GPR63: variants seen among roughly 807,000 people sequenced by gnomAD.
The protein encoded by GPR63 is probable G protein-coupled receptor 63.
GPR63 carries 12 observed loss-of-function variants against 23.1 expected under a neutral mutation model. The ratio of observed to expected loss-of-function variants is 0.52; its 90% CI spans 0.33 to 0.84. GPR63 has a LOEUF of 0.84. Among genes scored for constraint, GPR63 ranks in the 40% least tolerant of loss-of-function variants. The pLI, the probability that GPR63 is intolerant of heterozygous loss-of-function variation, is 0.02. For missense variants in GPR63, 472 were observed against 515.6 expected (o/e 0.92, Z 0.82); for synonymous variants, 172 against 191.1 (o/e 0.90, Z 0.82).
rs1289652171 is a variant in GPR63 at position 96,795,641 on chromosome 6, C to G, written c.*2831G>C. On this transcript the variant is annotated 3_prime_UTR_variant, in exon 2 of 2. Coordinates refer to ENST00000229955, the MANE Select transcript of GPR63 (RefSeq NM_030784.4). ...ACTCCAGAGCTCTCACCAAATGAGG[C>G]ACTGCCTATTAAGCAGCATGAAAGT... is the stretch of plus-strand genomic sequence containing the variant. 1 of 152,124 alleles carries G rather than the reference C, an allele frequency of 6.6e-6. No individual in the cohort carries two copies. Among genetic ancestry groups the G allele is most frequent in the East Asian group, 1.9e-4 (1 of 5,194 alleles). The allele number at this position is 152,124 out of a possible 1,614,324, so 9.4% of individuals were successfully genotyped here. A position where few individuals can be genotyped will look rare whatever the true frequency, so the allele number is the denominator to read the frequency against.
In GPR63 at chr6:96,799,277, A is replaced by C. The variant is rs1278647147; in HGVS notation, c.455T>G (p.Phe152Cys). 1 of 1,614,128 alleles carries C rather than the reference A, an allele frequency of 6.2e-7. No individual in the cohort carries two copies. Among genetic ancestry groups the C allele is most frequent in the East Asian group, 2.2e-5 (1 of 44,880 alleles). The change falls in exon 2 of 2, where the codon TTC (phenylalanine) becomes TGC (cysteine). Residue 152 changes from phenylalanine to cysteine, a missense_variant. Coordinates refer to ENST00000229955, the MANE Select transcript of GPR63 (RefSeq NM_030784.4). ...AAACATAGCAGATACCCTACAGAAG[A>C]ATTTCCCAAAAATCCATCGGGTAGT... ...ILTTRWIFGK[F>C]FCRVSAMFFW... is the part of the protein sequence containing the mutation.
chr6:96,825,216 A>C (rs893336556), intron 1 of GPR63, among the ~76,000 whole-genome samples: 2 of 152,238 alleles, frequency 1.3e-5, no homozygotes, highest in East Asian at 3.9e-4. Flanking sequence ...TAGGGCGGGA[A>C]CCACTGCAAC....
intron 1 of GPR63, among the ~76,000 whole-genome samples, chr6:96,836,732 G>A (rs1436845011): frequency 6.6e-6 from 1 of 152,130 alleles, no homozygotes; most frequent in African/African-American, 2.4e-5. Flanking sequence ...GCAACACACA[G>A]CGCCGCAAGC....
rs183244491 is a variant in GPR63 at position 96,812,597 on chromosome 6, T to C, written c.-150-12716A>G. Among the ~76,000 whole-genome samples, 872 of 152,272 alleles carry C rather than the reference T, an allele frequency of 5.7e-3. 4 individuals carry two copies. The highest frequency in any genetic ancestry group is 0.01 in the Non-Finnish European group (698 of 67,962). On this transcript the variant is annotated intron_variant, in intron 1 of 1. Transcript: ENST00000229955. ...CTTTAAAAATGTATTTTTAAGTGGC[T>C]AATAGATTAACCTTTTAGAAATGCA...
chr6:96,809,423 G>A (rs1773983336), intron 1 of GPR63, among the ~76,000 whole-genome samples: 1 of 152,016 alleles, frequency 6.6e-6, no homozygotes, highest in Admixed American at 6.6e-5. Context: ...ATTCTGCCTT[G>A]ATGTTAAAAT....
At chr6:96,835,850 T>A (rs898417851) in intron 1 of GPR63, among the ~76,000 whole-genome samples, 2 of 152,238 alleles carry the variant, frequency 1.3e-5, no homozygotes, top group Non-Finnish European at 2.9e-5. Context: ...ACAAACAATA[T>A]GTTTCCTACA....
chr6:96,815,380 A>G (rs1774139020), intron 1 of GPR63, among the ~76,000 whole-genome samples: 1 of 152,242 alleles, frequency 6.6e-6, no homozygotes, highest in Non-Finnish European at 1.5e-5. Flanking sequence ...AGTCAAACTC[A>G]TAGAAGCAGA....
At position 96,799,821 on chromosome 6, in the gene GPR63, G is replaced by T; in HGVS notation, c.-90C>A. 7.6e-7 allele frequency: 1 copy of T among 1,308,768 alleles called. No homozygotes were observed. Among genetic ancestry groups the T allele is most frequent in the Non-Finnish European group, 1.1e-6 (1 of 908,142 alleles). The allele number at this position is 1,308,768 out of a possible 1,614,324, so 81.1% of individuals were successfully genotyped here. On this transcript the variant is annotated 5_prime_UTR_variant, in exon 2 of 2. Transcript: ENST00000229955. ...CAGCAGTATCAGGTCCCATTGATGGGCTTGGAAATACATTCTGGAAAATGG... is the reference window on the plus strand; with the variant it reads ...CAGCAGTATCAGGTCCCATTGATGGTCTTGGAAATACATTCTGGAAAATGG...
At chr6:96,813,678 GTTTC>G (rs1427426046) in intron 1 of GPR63, among the ~76,000 whole-genome samples, 1 of 152,162 alleles carries the variant, frequency 6.6e-6, no homozygotes, top group Non-Finnish European at 1.5e-5. Flanking sequence ...CCAATCCAAG[GTTTC>G]TTTGTTAATT....
intron 1 of GPR63, among the ~76,000 whole-genome samples, chr6:96,827,525 T>C (rs961446809): frequency 2.0e-5 from 3 of 152,102 alleles, no homozygotes; most frequent in African/African-American, 4.8e-5. Context: ...ATGTAGCCTA[T>C]CTAATGCCAA....
chr6:96,831,711 A>G (rs1774585149), intron 1 of GPR63, among the ~76,000 whole-genome samples: 1 of 152,042 alleles, frequency 6.6e-6, no homozygotes, highest in Non-Finnish European at 1.5e-5. Flanking sequence ...GTTCAAGACC[A>G]GCCTAACCAA....
chr6:96,811,848 A>G (rs1318845466), intron 1 of GPR63, among the ~76,000 whole-genome samples: 2 of 64,634 alleles, frequency 3.1e-5, no homozygotes. Flanking sequence ...AAATAAATAA[A>G]TAAATAAATA....
At chr6:96,812,984 CT>C (rs1774080389) in intron 1 of GPR63, among the ~76,000 whole-genome samples, 1 of 152,066 alleles carries the variant, frequency 6.6e-6, no homozygotes, top group African/African-American at 2.4e-5. Context: ...TAAACAACCT[CT>C]CTTCATCCCC....
chr6:96,818,364 G>GA (rs1310426585), intron 1 of GPR63, among the ~76,000 whole-genome samples: 1 of 152,074 alleles, frequency 6.6e-6, no homozygotes, highest in African/African-American at 2.4e-5. Context: ...TTGGGAGGCT[G>GA]AGGCAAGAGA....
intron 1 of GPR63, among the ~76,000 whole-genome samples, chr6:96,805,015 GA>G (rs1773861054): frequency 6.6e-6 from 1 of 151,828 alleles, no homozygotes; most frequent in Non-Finnish European, 1.5e-5. Context: ...ATTTTTTGTT[GA>G]AGTTTTTGTT....
chr6:96,799,712 A>G lies in GPR63; in HGVS notation c.20T>C (p.Leu7Ser), dbSNP rs1355666165. The G allele has an allele frequency of 6.2e-7, 1 of 1,614,210 alleles. No homozygotes were observed. The highest frequency in any genetic ancestry group is 8.5e-7 in the Non-Finnish European group (1 of 1,180,022). The change falls in exon 2 of 2, where the codon TTG becomes TCG. Residue 7 changes from leucine to serine, a missense_variant. Coordinates refer to ENST00000229955, the MANE Select transcript of GPR63 (RefSeq NM_030784.4). The stretch of plus-strand genomic sequence containing the variant: ...GGATGTCCCGGTATGGAACGCAGTC[A>G]ACACTGCCGAGAAGACCATGGTTTC... Reference protein sequence around the residue: MVFSAVLTAFHTGTSNT... With the variant: MVFSAVSTAFHTGTSNT...
At position 96,799,655 on chromosome 6, in the gene GPR63, T is replaced by A. The variant is rs745937057; in HGVS notation, c.77A>T (p.Tyr26Phe). ...TGGTGGAGGGAGTGTAATATTCATG[T>A]AGGTGTTTTCATACACGACAAATGT... ...NTTFVVYENT[Y>F]MNITLPPPFQ... The change falls in exon 2 of 2, where the codon TAC (tyrosine) becomes TTC (phenylalanine). Residue 26 changes from tyrosine (Y) to phenylalanine (F), a missense_variant. Physicochemically the swap from Tyr to Phe is conservative, Grantham distance 22. Coordinates refer to ENST00000229955, the MANE Select transcript of GPR63 (RefSeq NM_030784.4). The A allele has an allele frequency of 2.5e-6, 4 of 1,613,990 alleles. No homozygotes were observed. The highest frequency in any genetic ancestry group is 2.5e-6 in the Non-Finnish European group (3 of 1,179,972).
chr6:96,805,393 C>A (rs996893757), intron 1 of GPR63, among the ~76,000 whole-genome samples: 2 of 152,148 alleles, frequency 1.3e-5, no homozygotes, highest in Non-Finnish European at 2.9e-5. Flanking sequence ...ATGAGGGATC[C>A]ACCCCATGAC....
At position 96,799,574 on chromosome 6, in the gene GPR63, G is replaced by T; in HGVS notation, c.158C>A (p.Pro53His). The T allele has an allele frequency of 1.2e-6, 2 of 1,614,162 alleles. No individual in the cohort carries two copies. Among genetic ancestry groups the T allele is most frequent in the South Asian group, 1.1e-5 (1 of 91,084 alleles). Residue 53 changes from proline (P) to histidine (H), a missense_variant, in exon 2 of 2, where the codon CCC becomes CAC. Coordinates refer to ENST00000229955, the MANE Select transcript of GPR63 (RefSeq NM_030784.4). ...CACGGTCAAGGAACTCAAACCAGTG[G>T]GAGCCATGGTTTCAAAACTATATCT... The part of the protein sequence containing the change: ...LLRYSFETMA[P>H]TGLSSLTVNS...
Sources: allele counts gnomAD v4.1 joint callset (sites outside exome capture counted in the v4.1 genomes callset), GRCh38; gene constraint gnomAD v4.1.1; transcripts MANE v1.5; gene names NCBI Gene and HGNC (gene_info 2026-07-23, HGNC 2026-07-21).